SEMA3A: variants seen among roughly 807,000 people sequenced by gnomAD.
SEMA3A encodes semaphorin 3A.
A neutral mutation model predicts 97.9 loss-of-function variants in SEMA3A; 29 were observed. The observed-to-expected ratio is 0.30, with a 90% CI of 0.22 to 0.40. The LOEUF is 0.40. Among genes scored for constraint, SEMA3A ranks in the 10% least tolerant of loss-of-function variants. The probability of loss-of-function intolerance (pLI) is 1.00; values close to 1 mark genes in which losing one functional copy is unlikely to be tolerated. For synonymous variants in SEMA3A, 321 were observed against 323.7 expected, an observed-to-expected ratio of 0.99 and a Z score of 0.09; for missense variants, 763 against 951.3, an observed-to-expected ratio of 0.80 and a Z score of 2.60.
chr7:84,002,046 T>A lies in SEMA3A; in HGVS notation c.1361A>T (p.Asp454Val), dbSNP rs778974337. The A allele has an allele frequency of 6.3e-7, 1 of 1,592,352 alleles. No individual in the cohort carries two copies. Among genetic ancestry groups the A allele is most frequent in the South Asian group, 1.1e-5 (1 of 90,176 alleles). The change falls in exon 12 of 17, where the codon GAT (aspartate) becomes GTT (valine). Residue 454 changes from aspartate (D) to valine (V), a missense_variant and splice_region_variant. Physicochemically the swap from Asp to Val is radical, Grantham distance 152 (BLOSUM62 -3). This residue lies in a region of SEMA3A where 678 missense variants were observed against 881.3 expected (regional missense o/e 0.77). Coordinates refer to ENST00000265362, the MANE Select transcript of SEMA3A (RefSeq NM_006080.3). ...GQYDVMFIGTDVGTVLKVVSI... is the reference protein window; with the variant it reads ...GQYDVMFIGTVVGTVLKVVSI... ...AACTACTTTAAGAACGGTCCCAACA[T>A]CTTTGAAAGAAAGTGGGGAGAAGAC...
intron 6 of SEMA3A, among the ~76,000 whole-genome samples, chr7:84,034,484 A>C (rs1791871780): frequency 6.6e-6 from 1 of 152,226 alleles, no homozygotes; most frequent in African/African-American, 2.4e-5. Flanking sequence ...AGAATACTTA[A>C]TTTGATTATC....
intron 6 of SEMA3A, among the ~76,000 whole-genome samples, chr7:84,023,570 A>G (rs979181920): frequency 3.9e-5 from 6 of 152,140 alleles, no homozygotes; most frequent in African/African-American, 1.4e-4. Flanking sequence ...AACACGAACC[A>G]CTCAGCCAAT....
chr7:84,449,555 A>G lies in SEMA3A; in HGVS notation c.-246+42905T>C, dbSNP rs1306420865. On this transcript the variant is annotated intron_variant, in intron 1 of 3. Transcript: ENST00000424555. ...ATAGTGAACATTGTTATTCAATTAA[A>G]GTAATTGAATTTATTATAAAATCCT... Among the ~76,000 whole-genome samples the G allele has an allele frequency of 3.3e-5, 5 of 152,222 alleles. No individual in the cohort carries two copies. In the South Asian group the frequency reaches 1.0e-3, roughly 32 times the overall value.
chr7:84,212,591 T>C (rs971396849), intron 3 of SEMA3A, among the ~76,000 whole-genome samples: 5 of 152,202 alleles, frequency 3.3e-5, no homozygotes, highest in African/African-American at 1.2e-4. Context: ...ATGACACACA[T>C]GATAAATTTC....
Position 84,476,471 on chromosome 7 carries a change from C to G in SEMA3A, c.-246+15989G>C, listed in dbSNP as rs115082728. 9.3e-3 allele frequency among the ~76,000 whole-genome samples: 1,405 copies of G among 151,666 alleles called. 16 individuals carry two copies. The highest frequency in any genetic ancestry group is 0.03 in the African/African-American group (1,239 of 41,362). ...GCAAAATAATGCAGTAGAGTAGTAA[C>G]ACTTGAAGATAGTTTCATTAAATTA... is the stretch of plus-strand genomic sequence containing the variant. On this transcript the variant is annotated intron_variant, in intron 1 of 3. Transcript: ENST00000424555.
At chr7:84,293,402 T>A (rs1584209333) in intron 3 of SEMA3A, among the ~76,000 whole-genome samples, 1 of 150,560 alleles carries the variant, frequency 6.6e-6, no homozygotes, top group Non-Finnish European at 1.5e-5. Flanking sequence ...GAATCAATAA[T>A]TTTTTTTTGT....
intron 3 of SEMA3A, among the ~76,000 whole-genome samples, chr7:84,202,350 A>T (rs1798377551): frequency 6.6e-6 from 1 of 152,164 alleles, no homozygotes; most frequent in Admixed American, 6.5e-5. Flanking sequence ...ATCCAATTTT[A>T]TTGTCAATTT....
At chr7:84,000,938 T>G (rs1790418340) in intron 12 of SEMA3A, among the ~76,000 whole-genome samples, 1 of 152,142 alleles carries the variant, frequency 6.6e-6, no homozygotes, top group Non-Finnish European at 1.5e-5. Context: ...CAACTGAAAA[T>G]TTGAATCCAG....
chr7:84,370,346 A>C (rs1802943707), intron 2 of SEMA3A, among the ~76,000 whole-genome samples: 1 of 151,726 alleles, frequency 6.6e-6, no homozygotes, highest in Non-Finnish European at 1.5e-5. Context: ...GCCTCATTAG[A>C]GAATGAGCAA....
chr7:84,473,839 T>A (rs1212561436), intron 1 of SEMA3A, among the ~76,000 whole-genome samples: 1 of 152,198 alleles, frequency 6.6e-6, no homozygotes, highest in Non-Finnish European at 1.5e-5. Context: ...AAATTTTAAA[T>A]TAAGAACATT....
intron 1 of SEMA3A, among the ~76,000 whole-genome samples, chr7:84,463,279 T>C (rs1267838502): frequency 7.1e-6 from 1 of 139,900 alleles, no homozygotes; most frequent in East Asian, 2.3e-4. Flanking sequence ...GAGGGACTCT[T>C]GCTCTGTCAC....
At chr7:84,051,958 A>G (rs1165761055) in intron 5 of SEMA3A, among the ~76,000 whole-genome samples, 1 of 150,476 alleles carries the variant, frequency 6.6e-6, no homozygotes, top group East Asian at 2.0e-4. Context: ...TTCTGCATCT[A>G]TTGAGATAAT....
chr7:83,984,472 A>G (rs1167953382), intron 13 of SEMA3A, among the ~76,000 whole-genome samples: 1 of 152,130 alleles, frequency 6.6e-6, no homozygotes, highest in Non-Finnish European at 1.5e-5. Context: ...TGTTCAAGGG[A>G]TAAAGCATGG....
At chr7:83,988,289 T>A (rs188574790) in intron 12 of SEMA3A, among the ~76,000 whole-genome samples, 1 of 151,938 alleles carries the variant, frequency 6.6e-6, no homozygotes, top group African/African-American at 2.4e-5. Context: ...TGCAGTGGCG[T>A]GATCTCGGCT....
chr7:84,163,290 T>G (rs1377084981), intron 1 of SEMA3A, among the ~76,000 whole-genome samples: 1 of 152,170 alleles, frequency 6.6e-6, no homozygotes, highest in African/African-American at 2.4e-5. Context: ...TATATATGTG[T>G]GTGTGAATGG....
At chr7:84,305,446 A>T (rs1801130485) in intron 3 of SEMA3A, among the ~76,000 whole-genome samples, 1 of 151,726 alleles carries the variant, frequency 6.6e-6, no homozygotes. Context: ...TTTTAGTCAT[A>T]TTTGCTAAAT....
At chr7:84,408,621 T>C (rs1199539526) in intron 1 of SEMA3A, among the ~76,000 whole-genome samples, 1 of 151,938 alleles carries the variant, frequency 6.6e-6, no homozygotes, top group African/African-American at 2.4e-5. Flanking sequence ...CTATTCACAA[T>C]AGCAAAGACT....
chr7:84,008,447 T>C (rs1013566130), intron 9 of SEMA3A, among the ~76,000 whole-genome samples: 9 of 138,952 alleles, frequency 6.5e-5, no homozygotes, highest in African/African-American at 1.7e-4. Flanking sequence ...GCCTAGATCG[T>C]GCCACTGCAC....
chr7:84,152,436 G>A (rs554522044), intron 1 of SEMA3A, among the ~76,000 whole-genome samples: 2,112 of 141,966 alleles, frequency 0.015, 58 homozygotes, highest in African/African-American at 0.053. Context: ...GTAAACTGTC[G>A]CAAGAACAAA....
Sources: allele counts gnomAD v4.1 joint callset (sites outside exome capture counted in the v4.1 genomes callset), GRCh38; gene constraint gnomAD v4.1.1; regional missense constraint gnomAD v4.1.1; transcripts MANE v1.5; gene names NCBI Gene and HGNC (gene_info 2026-07-23, HGNC 2026-07-21).